The following NTRK3 variants were observed in gnomAD, a reference collection of about 807,000 sequenced individuals.
NTRK3 encodes NT-3 growth factor receptor.
A neutral mutation model predicts 91.7 loss-of-function variants in NTRK3; 24 were observed. The observed-to-expected ratio is 0.26, with a 90% CI of 0.19 to 0.37. The LOEUF is 0.37. Among genes scored for constraint, NTRK3 ranks in the 10% least tolerant of loss-of-function variants. The probability of loss-of-function intolerance (pLI) is 1.00; values close to 1 mark genes in which losing one functional copy is unlikely to be tolerated. For synonymous variants in NTRK3, 483 were observed against 404.0 expected, an observed-to-expected ratio of 1.20 and a Z score of -2.34; for missense variants, 880 against 1,068.9, an observed-to-expected ratio of 0.82 and a Z score of 2.46.
chr15:88,079,388 A>G (rs188541771), intron 13 of NTRK3, among the ~76,000 whole-genome samples: 1 of 152,188 alleles, frequency 6.6e-6, no homozygotes, highest in African/African-American at 2.4e-5. Context: ...GGACGGATAT[A>G]CCAGGATGCC....
intron 13 of NTRK3, among the ~76,000 whole-genome samples, chr15:88,073,825 G>C (rs1212186724): frequency 2.0e-5 from 3 of 150,508 alleles, no homozygotes; most frequent in Non-Finnish European, 4.4e-5. Flanking sequence ...AGGCTTGGTA[G>C]GATGGCAAGA....
chr15:87,897,470 A>G (rs928248657), intron 17 of NTRK3, among the ~76,000 whole-genome samples: 3 of 152,158 alleles, frequency 2.0e-5, no homozygotes, highest in Non-Finnish European at 2.9e-5. Flanking sequence ...TGGCTGCACT[A>G]ATATCTTCTA....
intron 17 of NTRK3, among the ~76,000 whole-genome samples, chr15:87,887,154 G>A (rs1274612258): frequency 6.6e-6 from 1 of 152,072 alleles, no homozygotes; most frequent in Non-Finnish European, 1.5e-5. Context: ...AAACTGTAAT[G>A]CACTTAAGTA....
chr15:87,873,310 C>G, exon 19 of NTRK3: 1 of 229,490 alleles, frequency 4.4e-6, no homozygotes, highest in Non-Finnish European at 8.6e-6. Context: ...TGTCTCTTGA[C>G]TAGAGGAGGT....
rs369794357 is a variant in NTRK3 at position 88,078,585 on chromosome 15, G to C, written c.1397-45540C>G. 3.9e-5 allele frequency among the ~76,000 whole-genome samples: 6 copies of C among 152,202 alleles called. No homozygotes were observed. The South Asian group carries it at 1.2e-3, about 31-fold the overall frequency. The stretch of plus-strand genomic sequence containing the variant: ...GAATCACTTGAACCCGGGAGGTGGA[G>C]GTTGCAGTGAGCCAAGATCGCACCA... On this transcript the variant is annotated intron_variant, in intron 13 of 18. Coordinates refer to ENST00000394480, the Ensembl canonical transcript of NTRK3.
chr15:88,242,200 T>A (rs574844331), intron 3 of NTRK3, among the ~76,000 whole-genome samples: 12 of 152,214 alleles, frequency 7.9e-5, no homozygotes, highest in Admixed American at 5.2e-4. Flanking sequence ...ACAGCCCAAA[T>A]CTTCATCTCA....
At chr15:88,033,110 C>T (rs2142026595) in intron 13 of NTRK3, 65 bp from the exon 14 acceptor site, 1 of 1,479,316 alleles carries the variant, frequency 6.8e-7, no homozygotes, top group Middle Eastern at 2.3e-4. Context: ...CAGCCCTGTC[C>T]ACAGACAACC....
intron 6 of NTRK3, among the ~76,000 whole-genome samples, chr15:88,146,439 G>A (rs932382669): frequency 6.6e-5 from 10 of 152,158 alleles, no homozygotes; most frequent in Middle Eastern, 3.2e-3. Context: ...GAACACATGA[G>A]CGGTGTCTCT....
intron 3 of NTRK3, among the ~76,000 whole-genome samples, chr15:88,222,859 G>T (rs56333217): frequency 1.3e-5 from 2 of 152,168 alleles, no homozygotes; most frequent in African/African-American, 2.4e-5. Context: ...GCCCAGGGAG[G>T]CTCAATGACT....
chr15:88,253,738 G>C (rs2053685063), intron 3 of NTRK3, among the ~76,000 whole-genome samples: 1 of 152,098 alleles, frequency 6.6e-6, no homozygotes, highest in African/African-American at 2.4e-5. Context: ...CAGAATCCAA[G>C]TCCTGAAACA....
At chr15:88,099,663 C>G (rs891681535) in intron 13 of NTRK3, among the ~76,000 whole-genome samples, 1 of 152,156 alleles carries the variant, frequency 6.6e-6, no homozygotes, top group Non-Finnish European at 1.5e-5. Context: ...AAACTGTCCT[C>G]AGAGAAGTCA....
chr15:88,183,485 T>G, exon 5 of NTRK3: 1 of 1,614,136 alleles, frequency 6.2e-7, no homozygotes, highest in Non-Finnish European at 8.5e-7. Context: ...GAGTTCTTGA[T>G]GGTCCTAGAC....
exon 19 of NTRK3, chr15:87,870,242 A>G (rs2064791261): frequency 5.4e-6 from 1 of 186,666 alleles, no homozygotes; most frequent in Admixed American, 6.2e-5. Context: ...ATGATGGAAT[A>G]CTACTCATCC....
chr15:87,861,537 CA>C, exon 19 of NTRK3: 1 of 195,950 alleles, frequency 5.1e-6, no homozygotes, highest in East Asian at 8.0e-5. Context: ...GCCATTCATG[CA>C]AAAAATTACT....
At chr15:88,077,833 G>A (rs2047685621) in intron 13 of NTRK3, among the ~76,000 whole-genome samples, 1 of 152,166 alleles carries the variant, frequency 6.6e-6, no homozygotes, top group African/African-American at 2.4e-5. Flanking sequence ...AATAACAGGT[G>A]GGTCTCCTTC....
chr15:88,219,437 A>C (rs1405426196), intron 3 of NTRK3, among the ~76,000 whole-genome samples: 4 of 152,248 alleles, frequency 2.6e-5, no homozygotes, highest in African/African-American at 7.2e-5. Context: ...CTCACTGTGC[A>C]GGGCTGGACC....
At chr15:88,239,156 A>T (rs932860054) in intron 3 of NTRK3, among the ~76,000 whole-genome samples, 1 of 152,214 alleles carries the variant, frequency 6.6e-6, no homozygotes, top group Non-Finnish European at 1.5e-5. Context: ...GTGGGACTGG[A>T]GTGACAGGGA....
rs139583264 is a variant in NTRK3 at position 88,176,136 on chromosome 15, C to CTTT, written c.395+7279_395+7281dup. ...TGTAATATTTGCCTATATGCCCCTT[C>CTTT]TTTTTTTTTTTTTTTTTTTGAGACA... On this transcript the variant is annotated intron_variant, in intron 5 of 18. Transcript: ENST00000394480. Among the ~76,000 whole-genome samples, 269 of 116,070 alleles carry CTTT rather than the reference C, an allele frequency of 2.3e-3. 11 individuals carry two copies. The highest frequency in any genetic ancestry group is 6.1e-3 in the African/African-American group (168 of 27,570). 76.1% of individuals were successfully genotyped at this position (116,070 alleles called of 152,430 possible). A position where few individuals can be genotyped will look rare whatever the true frequency, so the allele number is the denominator to read the frequency against.
chr15:88,071,844 G>A (rs1035758765), intron 13 of NTRK3, among the ~76,000 whole-genome samples: 1 of 152,100 alleles, frequency 6.6e-6, no homozygotes, highest in African/African-American at 2.4e-5. Flanking sequence ...TTGCTCTTCT[G>A]AGGCCCCATA....
Sources: allele counts gnomAD v4.1 joint callset (sites outside exome capture counted in the v4.1 genomes callset), GRCh38; gene constraint gnomAD v4.1.1; transcripts MANE v1.5; gene names NCBI Gene and HGNC (gene_info 2026-07-23, HGNC 2026-07-21).